RAB11FIP3: variants seen among roughly 807,000 people sequenced by gnomAD.
The protein encoded by RAB11FIP3 is rab11 family-interacting protein 3.
RAB11FIP3 carries 17 observed loss-of-function variants against 77.8 expected under a neutral mutation model. The observed-to-expected ratio is 0.22, with a 90% confidence interval of 0.15 to 0.33. RAB11FIP3 has a LOEUF of 0.33. Ranked by LOEUF, RAB11FIP3 falls within the 10% of genes least tolerant of loss-of-function variation. The pLI is 1.00. For missense variants in RAB11FIP3, 1,005 were observed against 1,011.2 expected, an observed-to-expected ratio of 0.99 and a Z score of 0.08; for synonymous variants, 437 against 448.2, an observed-to-expected ratio of 0.98 and a Z score of 0.31.
chr16:508,915 T>TG (rs2032000792), intron 8 of RAB11FIP3, among the ~76,000 whole-genome samples: 1 of 151,724 alleles, frequency 6.6e-6, no homozygotes, highest in African/African-American at 2.4e-5. Flanking sequence ...ATCTTTTTTT[T>TG]TTTTTTGAGA....
In RAB11FIP3 at chr16:493,312, A is replaced by G. The variant is rs78093875; in HGVS notation, c.1266-3512A>G. On this transcript the variant is annotated intron_variant, in intron 5 of 13. Transcript: ENST00000262305. ...TTAATATGCTATTCAATTCAACACA[A>G]TCAGGACACACAACTGCCAGTCAGA... is the stretch of plus-strand genomic sequence containing the variant. Among the ~76,000 whole-genome samples the G allele has an allele frequency of 8.2e-3, 1,252 of 151,888 alleles. 26 individuals are homozygous for G. The highest frequency in any genetic ancestry group is 0.029 in the African/African-American group (1,186 of 41,424).
At chr16:432,707 C>G (rs1353233845) in intron 1 of RAB11FIP3, among the ~76,000 whole-genome samples, 2 of 149,042 alleles carry the variant, frequency 1.3e-5, no homozygotes, top group East Asian at 4.1e-4. Context: ...TCAAGCAATT[C>G]TCCTGCCTCA....
chr16:510,853 G>A, intron 9 of RAB11FIP3, 53 bp downstream of exon 9: 1 of 1,591,078 alleles, frequency 6.3e-7, no homozygotes, highest in Non-Finnish European at 8.5e-7. Context: ...CCAGGTAGGA[G>A]ACGGTCCCCA....
intron 5 of RAB11FIP3, among the ~76,000 whole-genome samples, chr16:492,258 A>C (rs11643250): frequency 0.72 from 109,193 of 152,046 alleles, 40,737 homozygotes; most frequent in Middle Eastern, 0.84. Context: ...GTGCCCATTC[A>C]GGTGGAGAGG....
chr16:491,797 C>T (rs529349859), intron 5 of RAB11FIP3, among the ~76,000 whole-genome samples: 44 of 152,240 alleles, frequency 2.9e-4, no homozygotes, highest in Middle Eastern at 3.4e-3. Flanking sequence ...TTGACGTGCC[C>T]GTTGGGCATC....
At chr16:500,879 G>A (rs2031471747) in intron 6 of RAB11FIP3, among the ~76,000 whole-genome samples, 1 of 152,102 alleles carries the variant, frequency 6.6e-6, no homozygotes, top group Non-Finnish European at 1.5e-5. Flanking sequence ...CAGAAGTGCT[G>A]ACAGGTCGTG....
At chr16:442,749 G>T (rs528527720) in intron 1 of RAB11FIP3, among the ~76,000 whole-genome samples, 1 of 152,118 alleles carries the variant, frequency 6.6e-6, no homozygotes, top group South Asian at 2.1e-4. Context: ...TTTAGCAGGC[G>T]GCCTTTGACC....
intron 1 of RAB11FIP3, among the ~76,000 whole-genome samples, chr16:435,618 G>C (rs551189761): frequency 6.6e-6 from 1 of 152,160 alleles, no homozygotes; most frequent in African/African-American, 2.4e-5. Context: ...AGGAGAGGGC[G>C]TATGGTGGGA....
chr16:452,106 G>A (rs1222736877), intron 1 of RAB11FIP3, among the ~76,000 whole-genome samples: 4 of 151,700 alleles, frequency 2.6e-5, no homozygotes, highest in African/African-American at 7.3e-5. Flanking sequence ...AGTTGAGATC[G>A]CGCCACTGTA....
chr16:509,587 T>A (rs1220210383), intron 8 of RAB11FIP3, among the ~76,000 whole-genome samples: 1 of 152,222 alleles, frequency 6.6e-6, no homozygotes, highest in African/African-American at 2.4e-5. Context: ...CTGCGGATGG[T>A]TGTGAAGATC....
chr16:497,426 G>C, intron 6 of RAB11FIP3: 1 of 1,251,502 alleles, frequency 8.0e-7, no homozygotes, highest in Non-Finnish European at 1.0e-6. Flanking sequence ...TGTGGCTGCC[G>C]GGTGGCCTCT....
At chr16:503,134 G>A in intron 7 of RAB11FIP3, 37 bp downstream of exon 7, 1 of 1,531,406 alleles carries the variant, frequency 6.5e-7, no homozygotes, top group South Asian at 1.1e-5. Flanking sequence ...GCAAGTAGGG[G>A]ATTTAGAACA....
At chr16:431,023 C>T (rs1028046033) in intron 1 of RAB11FIP3, among the ~76,000 whole-genome samples, 1 of 152,134 alleles carries the variant, frequency 6.6e-6, no homozygotes, top group South Asian at 2.1e-4. Flanking sequence ...GTATCATTTC[C>T]AGTCTCTTAG....
intron 5 of RAB11FIP3, chr16:491,361 C>G: frequency 8.3e-7 from 1 of 1,211,728 alleles, no homozygotes; most frequent in Admixed American, 2.6e-5. Context: ...CCCGAGGCGA[C>G]CAGGAGCCTC....
intron 4 of RAB11FIP3, 127 bp from the exon 5 acceptor site, chr16:488,724 T>A (rs2029904641): frequency 1.1e-6 from 1 of 898,580 alleles, no homozygotes; most frequent in African/African-American, 1.7e-5. Context: ...TTTTTTTTTT[T>A]TTAAACGTGG....
chr16:461,434 A>G lies in RAB11FIP3; in HGVS notation c.745A>G (p.Ser249Gly). 2 of 1,613,486 alleles carry G rather than the reference A, an allele frequency of 1.2e-6. No homozygotes were observed. The highest frequency in any genetic ancestry group is 1.7e-6 in the Non-Finnish European group (2 of 1,179,748). Residue 249 changes from serine to glycine, a missense_variant, in exon 2 of 14, where the codon AGT becomes GGT. Physicochemically the swap from Ser to Gly is moderately conservative, Grantham distance 56 (BLOSUM62 0). Coordinates refer to ENST00000262305, the MANE Select transcript of RAB11FIP3 (RefSeq NM_014700.4). The surrounding 1 kb of genome is among the most constrained non-coding windows in gnomAD (Gnocchi z 4.5). ...VKDLTKYLDP[S>G]GLGVISFEDF... ...GGACTTAACTAAGTACTTGGATCCCAGTGGGCTCGGCGTGATCAGCTTTGA... is the reference window on the plus strand; with the variant it reads ...GGACTTAACTAAGTACTTGGATCCCGGTGGGCTCGGCGTGATCAGCTTTGA...
At chr16:431,691 C>T (rs1239900792) in intron 1 of RAB11FIP3, among the ~76,000 whole-genome samples, 1 of 151,916 alleles carries the variant, frequency 6.6e-6, no homozygotes, top group Non-Finnish European at 1.5e-5. Flanking sequence ...TTTTTTAACA[C>T]AGACATAGAC....
chr16:471,898 C>T lies in RAB11FIP3; in HGVS notation c.903+509C>T, dbSNP rs1018115170. ...TGGGGAGAGGGTCTTCGAGCACAGCCGTGGTCGACAGAGCGTAACCATGTC... is the reference window on the plus strand; with the variant it reads ...TGGGGAGAGGGTCTTCGAGCACAGCTGTGGTCGACAGAGCGTAACCATGTC... On this transcript the variant is annotated intron_variant, in intron 3 of 13. Coordinates refer to ENST00000262305, the MANE Select transcript of RAB11FIP3 (RefSeq NM_014700.4). The surrounding 1 kb of genome is among the most constrained non-coding windows in gnomAD (Gnocchi z 4.4). 2.6e-5 allele frequency among the ~76,000 whole-genome samples: 4 copies of T among 152,156 alleles called. No individual in the cohort carries two copies. Among genetic ancestry groups the T allele is most frequent in the Admixed American group, 6.5e-5 (1 of 15,278 alleles).
chr16:479,772 A>C (rs1433509486), intron 3 of RAB11FIP3, among the ~76,000 whole-genome samples: 1 of 151,734 alleles, frequency 6.6e-6, no homozygotes, highest in African/African-American at 2.4e-5. Context: ...ATTTCAAAAA[A>C]TTAGGCATGG....
Sources: allele counts gnomAD v4.1 joint callset (sites outside exome capture counted in the v4.1 genomes callset), GRCh38; gene constraint gnomAD v4.1.1; non-coding constraint Gnocchi (gnomAD v3.1); transcripts MANE v1.5; gene names NCBI Gene and HGNC (gene_info 2026-07-23, HGNC 2026-07-21).